TMEM94: variants seen among roughly 807,000 people sequenced by gnomAD.
TMEM94 encodes transmembrane protein 94.
Under a neutral mutation model 158.6 loss-of-function variants are expected in TMEM94, and 81 were observed. The observed-to-expected ratio is 0.51, with a 90% CI of 0.43 to 0.61. TMEM94 has a LOEUF of 0.61. Among genes scored for constraint, TMEM94 ranks in the 20% least tolerant of loss-of-function variants. TMEM94 has a pLI of 0.00. For synonymous variants in TMEM94, 751 were observed against 730.7 expected (o/e 1.03, Z -0.45); for missense variants, 1,435 against 1,762.0 (o/e 0.81, Z 3.32).
intron 4 of TMEM94, 146 bp downstream of exon 4, chr17:75,486,144 G>T (rs1288846987): frequency 2.8e-6 from 4 of 1,450,720 alleles, no homozygotes; most frequent in East Asian, 2.3e-5. Context: ...CTTGAATGGG[G>T]TCAGAGGCCT....
At chr17:75,470,297 C>A (rs902657302) in intron 1 of TMEM94, among the ~76,000 whole-genome samples, 7 of 150,994 alleles carry the variant, frequency 4.6e-5, no homozygotes, top group Non-Finnish European at 1.5e-5. Flanking sequence ...CATAGCAAGA[C>A]CCCTTCTCCA....
chr17:75,489,030 G>A lies in TMEM94; in HGVS notation c.764+120G>A. The A allele has an allele frequency of 9.0e-7, 1 of 1,115,900 alleles. No individual in the cohort carries two copies. The highest frequency in any genetic ancestry group is 1.3e-6 in the Non-Finnish European group (1 of 773,572). 69.1% of individuals were successfully genotyped at this position (1,115,900 alleles called of 1,614,324 possible). A position where few individuals can be genotyped will look rare whatever the true frequency, so the allele number is the denominator to read the frequency against. On this transcript the variant is annotated intron_variant, in intron 7 of 31. Coordinates refer to ENST00000314256, the MANE Select transcript of TMEM94 (RefSeq NM_014738.6). The surrounding 1 kb of genome is among the most constrained non-coding windows in gnomAD (Gnocchi z 5.0). The stretch of plus-strand genomic sequence containing the variant: ...CTCTTGAGGGCAGGCATCTCCTTAG[G>A]CTCCTGTCCTTAACATCTTGTGAGA...
chr17:75,489,496 T>A lies in TMEM94; in HGVS notation c.868-80T>A. ...TCCCAGAGTGAGCCAGCCTGTGGAG[T>A]AGCAAAGGAAGGGGAACGGCAGTGC... On this transcript the variant is annotated intron_variant, in intron 8 of 31. Coordinates refer to ENST00000314256, the MANE Select transcript of TMEM94 (RefSeq NM_014738.6). This position sits in a 1 kb window ranked among gnomAD's most constrained non-coding sequence, Gnocchi z 5.0. The A allele has an allele frequency of 6.7e-7, 1 of 1,491,704 alleles. No individual in the cohort carries two copies. Among genetic ancestry groups the A allele is most frequent in the Non-Finnish European group, 9.3e-7 (1 of 1,069,768 alleles). 92.4% of individuals were successfully genotyped at this position (1,491,704 alleles called of 1,614,324 possible).
intron 2 of TMEM94, chr17:75,476,840 T>G: frequency 6.7e-7 from 1 of 1,501,542 alleles, no homozygotes; most frequent in Non-Finnish European, 8.9e-7. Flanking sequence ...GTGAGAGTCC[T>G]GAAGACAATG....
At position 75,496,466 on chromosome 17, in the gene TMEM94, G is replaced by C. The variant is rs2052693086; in HGVS notation, c.3238G>C (p.Glu1080Gln). The change falls in exon 24 of 32, where the codon GAA becomes CAA. Residue 1080 changes from glutamate (E) to glutamine (Q), a missense_variant. Glu to Gln is a conservative substitution (Grantham distance 29, BLOSUM62 2). Around this residue, in one of 3 missense-constraint regions of TMEM94, gnomAD observed 335 missense variants for 409.1 expected, o/e 0.82. Coordinates refer to ENST00000314256, the MANE Select transcript of TMEM94 (RefSeq NM_014738.6). ...EETISIIRLI[E>Q]QARHATYGIR... Reference sequence around the variant, plus strand: ...GACCATCAGCATCATCCGGCTTATCGAACAGGTGGGTGCTTCGGCAGGCAA... The same window carrying C: ...GACCATCAGCATCATCCGGCTTATCCAACAGGTGGGTGCTTCGGCAGGCAA... The C allele has an allele frequency of 6.2e-7, 1 of 1,611,454 alleles. No individual in the cohort carries two copies. The highest frequency in any genetic ancestry group is 1.7e-5 in the Admixed American group (1 of 59,956).
chr17:75,497,963 T>C, intron 27 of TMEM94, 101 bp downstream of exon 27: 1 of 1,234,270 alleles, frequency 8.1e-7, no homozygotes, highest in Non-Finnish European at 1.2e-6. Context: ...GGATGGGGGA[T>C]TCCAGCAGAA....
chr17:75,459,856 G>C (rs1325171228), intron 1 of TMEM94: 4 of 152,098 alleles, frequency 2.6e-5, no homozygotes, highest in Non-Finnish European at 5.9e-5. Flanking sequence ...CCAAATGATA[G>C]GATTTAAAAA....
intron 1 of TMEM94, among the ~76,000 whole-genome samples, chr17:75,466,808 G>GA (rs200387767): frequency 8.1e-5 from 12 of 148,458 alleles, no homozygotes; most frequent in South Asian, 2.1e-4. Flanking sequence ...ACAGGAGTGG[G>GA]AAAAAAAAAA....
intron 1 of TMEM94, among the ~76,000 whole-genome samples, chr17:75,460,971 C>A (rs867721331): frequency 2.6e-5 from 4 of 151,958 alleles, no homozygotes; most frequent in African/African-American, 4.8e-5. Flanking sequence ...ACATTTAACT[C>A]CCCATTTCCC....
In TMEM94 at chr17:75,487,804, G is replaced by A; in HGVS notation, c.410-128G>A. ...AAAGCAGGGAAGTGTTGGAACGAGT[G>A]GAGGGGTTTGACGCAGACCTCCTGG... On this transcript the variant is annotated intron_variant, in intron 5 of 31. Transcript: ENST00000314256. The surrounding 1 kb of genome is among the most constrained non-coding windows in gnomAD (Gnocchi z 4.6). The A allele has an allele frequency of 1.4e-6, 1 of 730,550 alleles. No individual in the cohort carries two copies. The highest frequency in any genetic ancestry group is 1.7e-5 in the South Asian group (1 of 57,734). 45.3% of individuals were successfully genotyped at this position (730,550 alleles called of 1,614,324 possible).
chr17:75,489,020 A>G lies in TMEM94; in HGVS notation c.764+110A>G, dbSNP rs1217630642. On this transcript the variant is annotated intron_variant, in intron 7 of 31. Coordinates refer to ENST00000314256, the MANE Select transcript of TMEM94 (RefSeq NM_014738.6). This position sits in a 1 kb window ranked among gnomAD's most constrained non-coding sequence, Gnocchi z 5.0. Reference sequence around the variant, plus strand: ...TCTCGAGGTTCTCTTGAGGGCAGGCATCTCCTTAGGCTCCTGTCCTTAACA... The same window carrying G: ...TCTCGAGGTTCTCTTGAGGGCAGGCGTCTCCTTAGGCTCCTGTCCTTAACA... 3 of 1,192,724 alleles carry G rather than the reference A, an allele frequency of 2.5e-6. No individual in the cohort carries two copies. The highest frequency in any genetic ancestry group is 3.1e-5 in the African/African-American group (2 of 65,328). The allele number at this position is 1,192,724 out of a possible 1,614,324, so 73.9% of individuals were successfully genotyped here. A position where few individuals can be genotyped will look rare whatever the true frequency, so the allele number is the denominator to read the frequency against.
intron 27 of TMEM94, 55 bp downstream of exon 27, chr17:75,497,917 T>A: frequency 5.3e-6 from 8 of 1,514,964 alleles, no homozygotes; most frequent in Non-Finnish European, 7.3e-6. Flanking sequence ...GGACTGAGGA[T>A]TGGGGGAGGA....
In TMEM94 at chr17:75,491,580, T is replaced by G; in HGVS notation, c.1387-111T>G. On this transcript the variant is annotated intron_variant, in intron 13 of 31. Coordinates refer to ENST00000314256, the MANE Select transcript of TMEM94 (RefSeq NM_014738.6). This position sits in a 1 kb window ranked among gnomAD's most constrained non-coding sequence, Gnocchi z 5.1. The stretch of plus-strand genomic sequence containing the variant: ...GGAGGGTTTGGGCACCATTAGGATC[T>G]GCTTCTGGGCAGGTGAGGTGAAGAC... 1 of 1,559,224 alleles carries G rather than the reference T, an allele frequency of 6.4e-7. No individual in the cohort carries two copies. The highest frequency in any genetic ancestry group is 1.7e-5 in the Admixed American group (1 of 58,480).
chr17:75,490,579 C>T, intron 10 of TMEM94, 123 bp from the exon 11 acceptor site: 1 of 969,174 alleles, frequency 1.0e-6, no homozygotes, highest in Non-Finnish European at 1.6e-6. Context: ...GTCAGAACGG[C>T]CTGGGCCCTT....
At chr17:75,477,617 C>T (rs1465470003) in intron 2 of TMEM94, among the ~76,000 whole-genome samples, 4 of 152,178 alleles carry the variant, frequency 2.6e-5, no homozygotes, top group Non-Finnish European at 5.9e-5. Flanking sequence ...CATAACCTGT[C>T]TACCTGAGCT....
Position 75,495,023 on chromosome 17 carries a change from A to T in TMEM94, c.2717A>T (p.Asp906Val). 6.2e-7 allele frequency: 1 copy of T among 1,604,016 alleles called. No homozygotes were observed. The highest frequency in any genetic ancestry group is 1.7e-5 in the Admixed American group (1 of 59,670). ...SPSHAGSLHDDLNQVSRDDAE... is the reference protein window; with the variant it reads ...SPSHAGSLHDVLNQVSRDDAE... The stretch of plus-strand genomic sequence containing the variant: ...AGCCACGCAGGCTCCCTGCATGATG[A>T]CCTGAATCAGGGTAAGGGCAAAGGC... Residue 906 changes from aspartate (D) to valine (V), a missense_variant, in exon 20 of 32, where the codon GAC becomes GTC. Physicochemically the swap from Asp to Val is radical, Grantham distance 152. This residue lies in a region of TMEM94 where 1,051 missense variants were observed against 1,254.4 expected (regional missense o/e 0.84). Transcript: ENST00000314256. The surrounding 1 kb of genome is among the most constrained non-coding windows in gnomAD (Gnocchi z 5.6).
At chr17:75,476,989 C>G (rs1006923056) in intron 2 of TMEM94, among the ~76,000 whole-genome samples, 1 of 152,188 alleles carries the variant, frequency 6.6e-6, no homozygotes, top group Non-Finnish European at 1.5e-5. Context: ...GGACCCAAGC[C>G]TCCCAGGGGA....
intron 1 of TMEM94, among the ~76,000 whole-genome samples, chr17:75,466,273 A>G (rs984545089): frequency 7.9e-5 from 12 of 152,102 alleles, no homozygotes; most frequent in Admixed American, 7.9e-4. Flanking sequence ...GTAAGGGTCA[A>G]TATGTGTGAA....
In TMEM94 at chr17:75,498,985, G is replaced by C. The variant is rs756160891; in HGVS notation, c.3901G>C (p.Gly1301Arg). The change falls in exon 31 of 32, where the codon GGC becomes CGC. Residue 1301 changes from glycine to arginine, a missense_variant. Gly to Arg is a moderately radical substitution (Grantham distance 125). Around this residue, in one of 3 missense-constraint regions of TMEM94, gnomAD observed 335 missense variants for 409.1 expected, o/e 0.82. Transcript: ENST00000314256. The surrounding 1 kb of genome is among the most constrained non-coding windows in gnomAD (Gnocchi z 6.7). ...WTHRDSHVHF[G>R]LEDVPLLTWL... ...ACACAGGGACAGCCACGTCCACTTT[G>C]GCCTGGAGGACGTGCCCCTGCTGAC... is the stretch of plus-strand genomic sequence containing the variant. The C allele has an allele frequency of 1.2e-6, 2 of 1,601,726 alleles. No individual in the cohort carries two copies. Among genetic ancestry groups the C allele is most frequent in the South Asian group, 1.1e-5 (1 of 90,730 alleles).
Sources: gnomAD v4.1 joint callset for allele counts (sites outside exome capture counted in the v4.1 genomes callset) on GRCh38, gnomAD v4.1.1 for gene constraint, gnomAD v4.1.1 regional missense constraint, Gnocchi (gnomAD v3.1) non-coding constraint, MANE v1.5 for transcripts, NCBI Gene and HGNC (gene_info 2026-07-23, HGNC 2026-07-21) for gene names.